Variants in GRM1 observed in about 807,000 individuals in gnomAD.
The protein encoded by GRM1 is glutamate metabotropic receptor 1, also known as metabotropic glutamate receptor 1.
Under a neutral mutation model 90.9 loss-of-function variants are expected in GRM1, and 33 were observed. The observed-to-expected ratio is 0.36, with a 90% CI of 0.28 to 0.49. GRM1 has a LOEUF of 0.49. Among genes scored for constraint, GRM1 ranks in the 20% least tolerant of loss-of-function variants. The probability of loss-of-function intolerance (pLI) is 0.99; values close to 1 mark genes in which losing one functional copy is unlikely to be tolerated. For missense variants in GRM1, 1,190 were observed against 1,534.3 expected, an observed-to-expected ratio of 0.78 and a Z score of 3.75; for synonymous variants, 700 against 613.2, an observed-to-expected ratio of 1.14 and a Z score of -2.09.
chr6:146,244,720 C>A (rs1249887902), intron 2 of GRM1, among the ~76,000 whole-genome samples: 1 of 152,160 alleles, frequency 6.6e-6, no homozygotes, highest in Admixed American at 6.5e-5. Context: ...GTGTCAAACT[C>A]CTTGCTAGGT....
At chr6:146,035,866 A>T (rs1176123985) in intron 1 of GRM1, among the ~76,000 whole-genome samples, 1 of 151,980 alleles carries the variant, frequency 6.6e-6, no homozygotes, top group African/African-American at 2.4e-5. Flanking sequence ...TTATGTGCAT[A>T]GAATTAGAGT....
intron 3 of GRM1, among the ~76,000 whole-genome samples, chr6:146,335,349 C>T (rs1195715518): frequency 1.3e-5 from 2 of 152,078 alleles, no homozygotes; most frequent in African/African-American, 4.8e-5. Flanking sequence ...TCACTGTACC[C>T]ATTTATAAAT....
intron 1 of GRM1, among the ~76,000 whole-genome samples, chr6:146,032,714 T>C (rs1790750871): frequency 6.6e-6 from 1 of 152,174 alleles, no homozygotes; most frequent in African/African-American, 2.4e-5. Context: ...CTGGGGCCTC[T>C]CGTGACCTTC....
intron 2 of GRM1, among the ~76,000 whole-genome samples, chr6:146,298,563 C>T (rs916178225): frequency 1.1e-4 from 17 of 152,160 alleles, no homozygotes; most frequent in Non-Finnish European, 2.2e-4. Flanking sequence ...TTTGCAATAA[C>T]ACAAGATGAT....
At chr6:146,317,380 CTAA>C in intron 3 of GRM1, among the ~76,000 whole-genome samples, 1 of 152,310 alleles carries the variant, frequency 6.6e-6, no homozygotes, top group South Asian at 2.1e-4. Flanking sequence ...GGTGACAATA[CTAA>C]TGAGTGTTTT....
intron 1 of GRM1, among the ~76,000 whole-genome samples, chr6:146,096,168 T>G (rs1412080): frequency 6.6e-6 from 1 of 151,938 alleles, no homozygotes; most frequent in Non-Finnish European, 1.5e-5. Flanking sequence ...TTCAAACAGA[T>G]TTATGGAGAT....
intron 2 of GRM1, among the ~76,000 whole-genome samples, chr6:146,242,625 C>T (rs570334665): frequency 2.0e-5 from 3 of 152,202 alleles, no homozygotes; most frequent in Non-Finnish European, 2.9e-5. Context: ...TCTGTCGACA[C>T]CCTTCTGAAT....
At chr6:146,422,808 T>A (rs947857255) in intron 7 of GRM1, among the ~76,000 whole-genome samples, 1 of 152,158 alleles carries the variant, frequency 6.6e-6, no homozygotes, top group Non-Finnish European at 1.5e-5. Context: ...TAGGCTGTTA[T>A]ATCAAGGAAG....
chr6:146,209,024 G>A (rs547446801), intron 2 of GRM1, among the ~76,000 whole-genome samples: 29 of 151,908 alleles, frequency 1.9e-4, no homozygotes, highest in Non-Finnish European at 3.7e-4. Context: ...GTTACAAAAC[G>A]ATATCATATT....
intron 5 of GRM1, among the ~76,000 whole-genome samples, chr6:146,377,240 A>G (rs1776135041): frequency 6.6e-6 from 1 of 152,136 alleles, no homozygotes. Context: ...GAACTGGGTA[A>G]CAGGCAGAGA....
intron 2 of GRM1, among the ~76,000 whole-genome samples, chr6:146,235,321 A>G (rs189098342): frequency 6.6e-6 from 1 of 152,138 alleles, no homozygotes; most frequent in African/African-American, 2.4e-5. Flanking sequence ...TCTAGATGTA[A>G]TATATTTTAT....
In GRM1 at chr6:146,435,153, A is replaced by G. The variant is rs1778557991; in HGVS notation, c.*357A>G. 5.2e-6 allele frequency: 2 copies of G among 382,696 alleles called. No individual in the cohort carries two copies. The highest frequency in any genetic ancestry group is 4.4e-5 in the South Asian group (2 of 45,880). 23.7% of individuals were successfully genotyped at this position (382,696 alleles called of 1,614,324 possible). On this transcript the variant is annotated 3_prime_UTR_variant, in exon 8 of 8. Transcript: ENST00000282753. The stretch of plus-strand genomic sequence containing the variant: ...TTTGCACAATTGTGCATAGATATAT[A>G]TATGCCCACACACACTGGGCCATGC...
chr6:146,330,165 A>G (rs934853066), intron 3 of GRM1, among the ~76,000 whole-genome samples: 3 of 152,106 alleles, frequency 2.0e-5, no homozygotes, highest in African/African-American at 7.2e-5. Flanking sequence ...AACTCAAAGA[A>G]CCCTGGACCT....
intron 2 of GRM1, among the ~76,000 whole-genome samples, chr6:146,265,622 C>G (rs569992510): frequency 6.6e-6 from 1 of 152,222 alleles, no homozygotes; most frequent in Non-Finnish European, 1.5e-5. Context: ...GTCTAGAAGA[C>G]TTTTTCCTGG....
At chr6:146,303,389 G>A (rs1308001796) in intron 2 of GRM1, among the ~76,000 whole-genome samples, 5 of 152,044 alleles carry the variant, frequency 3.3e-5, no homozygotes, top group African/African-American at 4.8e-5. Flanking sequence ...CTTTAGACAG[G>A]TTTCTTCCTG....
At chr6:146,314,025 G>A (rs901156024) in intron 3 of GRM1, among the ~76,000 whole-genome samples, 5 of 124,856 alleles carry the variant, frequency 4.0e-5, no homozygotes, top group Admixed American at 8.6e-5. Context: ...ATTCATGATT[G>A]CACTGTATAT....
chr6:146,126,093 C>G (rs531805544), intron 1 of GRM1, among the ~76,000 whole-genome samples: 1 of 151,866 alleles, frequency 6.6e-6, no homozygotes, highest in Admixed American at 6.6e-5. Context: ...TTTGTGGAGA[C>G]CTTTAGGGAG....
chr6:146,273,528 T>G (rs945234367), intron 2 of GRM1, among the ~76,000 whole-genome samples: 1 of 152,204 alleles, frequency 6.6e-6, no homozygotes, highest in Non-Finnish European at 1.5e-5. Context: ...TGTTTTGAAA[T>G]CTGGCCATGT....
At chr6:146,345,617 C>A (rs953709651) in intron 3 of GRM1, among the ~76,000 whole-genome samples, 1 of 152,126 alleles carries the variant, frequency 6.6e-6, no homozygotes, top group Non-Finnish European at 1.5e-5. Flanking sequence ...CAAAGAGGAC[C>A]ATAATAGCAT....
Sources: gnomAD v4.1 joint callset for allele counts (sites outside exome capture counted in the v4.1 genomes callset) on GRCh38, gnomAD v4.1.1 for gene constraint, MANE v1.5 for transcripts, NCBI Gene and HGNC (gene_info 2026-07-23, HGNC 2026-07-21) for gene names.